The following ITPR1 variants were observed in gnomAD, a reference collection of about 807,000 sequenced individuals.
ITPR1 encodes inositol 1,4,5-trisphosphate-gated calcium channel ITPR1.
ITPR1 carries 96 observed loss-of-function variants against 318.4 expected under a neutral mutation model. The ratio of observed to expected loss-of-function variants is 0.30; its 90% CI spans 0.26 to 0.36. The LOEUF (loss-of-function observed/expected upper bound fraction) is 0.36. Among genes scored for constraint, ITPR1 ranks in the 10% least tolerant of loss-of-function variants. The pLI, the probability that ITPR1 is intolerant of heterozygous loss-of-function variation, is 1.00. For synonymous variants in ITPR1, 1,312 were observed against 1,289.9 expected (o/e 1.02, Z -0.37); for missense variants, 2,440 against 3,460.2 (o/e 0.71, Z 7.40).
At chr3:4,569,765 ATAGTTTT>A (rs2087784863) in intron 4 of ITPR1, among the ~76,000 whole-genome samples, 1 of 152,246 alleles carries the variant, frequency 6.6e-6, no homozygotes, top group Non-Finnish European at 1.5e-5. Flanking sequence ...TGGGAGTTGC[ATAGTTTT>A]AGAAATCAGT....
At position 4,684,366 on chromosome 3, in the gene ITPR1, C is replaced by T; in HGVS notation, c.3564+20C>T. The T allele has an allele frequency of 6.4e-7, 1 of 1,570,538 alleles. No individual in the cohort carries two copies. Among genetic ancestry groups the T allele is most frequent in the Non-Finnish European group, 8.8e-7 (1 of 1,142,128 alleles). On this transcript the variant is annotated intron_variant, in intron 29 of 61. Transcript: ENST00000649015. ...AAAGAGGTAAGCTCCTCCCCCACCA[C>T]CATTTTTCCTTTCTTTATGAATTCT...
chr3:4,543,396 C>T (rs2084658887), intron 4 of ITPR1, among the ~76,000 whole-genome samples: 1 of 152,150 alleles, frequency 6.6e-6, no homozygotes, highest in African/African-American at 2.4e-5. Context: ...AACATGGAAG[C>T]TCCCAAGAAA....
intron 4 of ITPR1, among the ~76,000 whole-genome samples, chr3:4,574,956 A>G (rs535497730): frequency 1.3e-5 from 2 of 152,354 alleles, no homozygotes; most frequent in African/African-American, 4.8e-5. Flanking sequence ...AGTGTGAGGG[A>G]CACTCCCTGA....
rs1429682311 is a variant in ITPR1 at position 4,730,401 on chromosome 3, G to A, written c.5221-2687G>A. Among the ~76,000 whole-genome samples, 4 of 146,664 alleles carry A rather than the reference G, an allele frequency of 2.7e-5. No individual in the cohort carries two copies. The East Asian group carries it at 7.8e-4, about 29-fold the overall frequency. On this transcript the variant is annotated intron_variant, in intron 42 of 61. Coordinates refer to ENST00000649015, the MANE Select transcript of ITPR1 (RefSeq NM_001378452.1). The stretch of plus-strand genomic sequence containing the variant: ...TGTGTGTGTGTGTGTGTGTGTGTGT[G>A]TGTGTGTGTGTGTGTGTGTTTCCCC...
At chr3:4,697,603 C>T (rs981714361) in intron 34 of ITPR1, among the ~76,000 whole-genome samples, 2 of 151,848 alleles carry the variant, frequency 1.3e-5, no homozygotes, top group Admixed American at 6.6e-5. Flanking sequence ...AGGCACCTGC[C>T]ACCATGCCTG....
chr3:4,719,723 A>T (rs2042011889), intron 40 of ITPR1, among the ~76,000 whole-genome samples: 1 of 152,262 alleles, frequency 6.6e-6, no homozygotes, highest in African/African-American at 2.4e-5. Flanking sequence ...CTGAGAAAAC[A>T]GGGTGAAATG....
chr3:4,773,147 A>G (rs2046292657), intron 46 of ITPR1, among the ~76,000 whole-genome samples: 1 of 152,162 alleles, frequency 6.6e-6, no homozygotes, highest in Non-Finnish European at 1.5e-5. Context: ...GCGACTTGCG[A>G]TGCTCCCATC....
In ITPR1 at chr3:4,673,159, G is replaced by A. The variant is rs2094121051; in HGVS notation, c.2228G>A (p.Arg743Lys). ...YYRYQLNLFA[R>K]MCLDRQYLAI... ...AGATATCAGCTGAACCTCTTTGCGAGGATGTGTCTGGACCGCCAATACCTG... is the reference window on the plus strand; with the variant it reads ...AGATATCAGCTGAACCTCTTTGCGAAGATGTGTCTGGACCGCCAATACCTG... Residue 743 changes from arginine (R) to lysine (K), a missense_variant, in exon 21 of 62, where the codon AGG (arginine) becomes AAG (lysine). Arg to Lys is a conservative substitution (Grantham distance 26, BLOSUM62 2). Transcript: ENST00000649015. 1.9e-6 allele frequency: 3 copies of A among 1,613,710 alleles called. No individual in the cohort carries two copies. The Admixed American group carries it at 5.0e-5, about 27-fold the overall frequency.
chr3:4,696,044 T>TC (rs1344331854), intron 33 of ITPR1, among the ~76,000 whole-genome samples: 1 of 152,210 alleles, frequency 6.6e-6, no homozygotes, highest in Admixed American at 6.5e-5. Flanking sequence ...TATCATCAGA[T>TC]CCTTTATTAT....
chr3:4,703,634 G>T (rs960296455), intron 36 of ITPR1, among the ~76,000 whole-genome samples: 1 of 152,140 alleles, frequency 6.6e-6, no homozygotes, highest in Admixed American at 6.5e-5. Context: ...ACAGTAACAA[G>T]AAGAGCAAGA....
At chr3:4,680,819 T>G in intron 25 of ITPR1, 128 bp downstream of exon 25, 1 of 769,348 alleles carries the variant, frequency 1.3e-6, no homozygotes, top group South Asian at 1.9e-5. Context: ...CAGGGCATCA[T>G]CCTGGCAGTT....
intron 10 of ITPR1, among the ~76,000 whole-genome samples, chr3:4,651,540 G>A (rs536657634): frequency 6.6e-6 from 1 of 152,312 alleles, no homozygotes; most frequent in Admixed American, 6.5e-5. Flanking sequence ...TCCAACATGT[G>A]AACACAGTTG....
Position 4,768,549 on chromosome 3 carries a change from G to C in ITPR1, c.5764G>C (p.Asp1922His), listed in dbSNP as rs762519896. ...AACACAGATAACAGAAGAGGTCCGGGATCAGCTCCTGGAGGCCTCCGCTGC... is the reference window on the plus strand; with the variant it reads ...AACACAGATAACAGAAGAGGTCCGGCATCAGCTCCTGGAGGCCTCCGCTGC... ...PTTQITEEVR[D>H]QLLEASAATR... Residue 1922 changes from aspartate to histidine, a missense_variant, in exon 46 of 62, where the codon GAT becomes CAT. Asp to His is a moderately conservative substitution (Grantham distance 81). This residue lies in a region of ITPR1 where 113 missense variants were observed against 103.6 expected (regional missense o/e 1.09). Transcript: ENST00000649015. 4 of 1,613,820 alleles carry C rather than the reference G, an allele frequency of 2.5e-6. No homozygotes were observed. In the East Asian group the frequency reaches 8.9e-5, roughly 36 times the overall value.
chr3:4,546,466 A>G (rs2085011528), intron 4 of ITPR1, among the ~76,000 whole-genome samples: 1 of 152,176 alleles, frequency 6.6e-6, no homozygotes, highest in Non-Finnish European at 1.5e-5. Flanking sequence ...CAAGACTTGG[A>G]GCTAAGAGTT....
chr3:4,546,477 C>G (rs947141849), intron 4 of ITPR1, among the ~76,000 whole-genome samples: 1 of 152,152 alleles, frequency 6.6e-6, no homozygotes, highest in Non-Finnish European at 1.5e-5. Context: ...GCTAAGAGTT[C>G]CTGAATCTTT....
chr3:4,685,112 C>T lies in ITPR1; in HGVS notation c.3608C>T (p.Ser1203Leu), dbSNP rs757407312. Residue 1203 changes from serine to leucine, a missense_variant, in exon 30 of 62, where the codon TCA becomes TTA. By Grantham distance (145) the Ser-to-Leu change is moderately radical. Coordinates refer to ENST00000649015, the MANE Select transcript of ITPR1 (RefSeq NM_001378452.1). The part of the protein sequence containing the change: ...LSKLCVQESA[S>L]VRKSRKQQQR... Reference sequence around the variant, plus strand: ...AAACTCTGTGTTCAAGAGAGTGCCTCAGTGAGAAAGAGCAGGAAGCAGCAA... The same window carrying T: ...AAACTCTGTGTTCAAGAGAGTGCCTTAGTGAGAAAGAGCAGGAAGCAGCAA... 1 of 1,611,242 alleles carries T rather than the reference C, an allele frequency of 6.2e-7. No homozygotes were observed. Among genetic ancestry groups the T allele is most frequent in the Non-Finnish European group, 8.5e-7 (1 of 1,178,850 alleles).
chr3:4,614,817 C>T (rs1229368721), intron 4 of ITPR1, among the ~76,000 whole-genome samples: 1 of 152,144 alleles, frequency 6.6e-6, no homozygotes, highest in East Asian at 1.9e-4. Flanking sequence ...TTGTTGGAAA[C>T]CTGGAAACCT....
Position 4,777,434 on chromosome 3 carries a change from C to T in ITPR1, c.6291+60C>T, listed in dbSNP as rs1350405953. 4 of 1,023,944 alleles carry T rather than the reference C, an allele frequency of 3.9e-6. No homozygotes were observed. In the Admixed American group the frequency reaches 7.9e-5, roughly 20 times the overall value. The allele number at this position is 1,023,944 out of a possible 1,614,324, so 63.4% of individuals were successfully genotyped here. A position where few individuals can be genotyped will look rare whatever the true frequency, so the allele number is the denominator to read the frequency against. ...GGAAACAGTCACTTTTGTGTTTTGC[C>T]TTGGCACATGCACATGGGCAATTAG... On this transcript the variant is annotated intron_variant, in intron 48 of 61. Coordinates refer to ENST00000649015, the MANE Select transcript of ITPR1 (RefSeq NM_001378452.1).
Position 4,801,081 on chromosome 3 carries a change from T to G in ITPR1, c.7107+481T>G, listed in dbSNP as rs3805020. ...GAAGAGGAGAAGCAGAGACAATTCT[T>G]TAAAAGTCAGTGGTGACATTTAGAA... On this transcript the variant is annotated intron_variant, in intron 54 of 61. Transcript: ENST00000649015. Among the ~76,000 whole-genome samples, 55 of 152,288 alleles carry G rather than the reference T, an allele frequency of 3.6e-4. 1 individual carries two copies. In the East Asian group the frequency reaches 0.011, roughly 29 times the overall value.
Sources: gnomAD v4.1 joint callset for allele counts (sites outside exome capture counted in the v4.1 genomes callset) on GRCh38, gnomAD v4.1.1 for gene constraint, gnomAD v4.1.1 regional missense constraint, MANE v1.5 for transcripts, NCBI Gene and HGNC (gene_info 2026-07-23, HGNC 2026-07-21) for gene names.